The following LTBP1 variants were observed in gnomAD, a reference collection of about 807,000 sequenced individuals.
LTBP1 encodes the protein latent-transforming growth factor beta-binding protein 1.
Under a neutral mutation model 207.6 loss-of-function variants are expected in LTBP1, and 129 were observed. The observed-to-expected ratio is 0.62, with a 90% CI of 0.54 to 0.72. LTBP1 has a LOEUF of 0.72. Among genes scored for constraint, LTBP1 ranks in the 30% least tolerant of loss-of-function variants. The pLI, the probability that LTBP1 is intolerant of heterozygous loss-of-function variation, is 0.00. For synonymous variants in LTBP1, 963 were observed against 833.7 expected, an observed-to-expected ratio of 1.16 and a Z score of -2.67; for missense variants, 2,281 against 2,217.2, an observed-to-expected ratio of 1.03 and a Z score of -0.58.
At chr2:33,173,449 AAC>A (rs1271652716) in intron 5 of LTBP1, among the ~76,000 whole-genome samples, 1 of 152,314 alleles carries the variant, frequency 6.6e-6, no homozygotes, top group Non-Finnish European at 1.5e-5. Context: ...CCCAAGACTA[AAC>A]CAGGAAGAAG....
At chr2:33,128,103 A>C (rs765281201) in intron 4 of LTBP1, among the ~76,000 whole-genome samples, 11 of 152,208 alleles carry the variant, frequency 7.2e-5, no homozygotes, top group Admixed American at 3.3e-4. Flanking sequence ...TTAGCTTGTG[A>C]GTAAGCCATC....
At chr2:33,118,083 G>C (rs769390508) in intron 4 of LTBP1, among the ~76,000 whole-genome samples, 2 of 151,794 alleles carry the variant, frequency 1.3e-5, no homozygotes, top group Non-Finnish European at 2.9e-5. Context: ...TTACAGGGCA[G>C]AGCTTTGCAG....
chr2:33,171,957 T>A (rs561061087), intron 5 of LTBP1, among the ~76,000 whole-genome samples: 135 of 152,292 alleles, frequency 8.9e-4, no homozygotes, highest in African/African-American at 3.2e-3. Flanking sequence ...AAGCAAATGC[T>A]GAGAGATTTT....
intron 3 of LTBP1, among the ~76,000 whole-genome samples, chr2:33,057,796 G>T (rs755042552): frequency 6.6e-6 from 1 of 152,182 alleles, no homozygotes; most frequent in Admixed American, 6.5e-5. Context: ...CCCAGTTCCC[G>T]CCCATGCCTC....
intron 9 of LTBP1, among the ~76,000 whole-genome samples, chr2:33,237,221 A>G (rs2092093583): frequency 6.6e-6 from 1 of 152,202 alleles, no homozygotes; most frequent in African/African-American, 2.4e-5. Context: ...CCAAATGTGC[A>G]GAAAAACCAA....
intron 5 of LTBP1, among the ~76,000 whole-genome samples, chr2:33,172,172 G>T (rs1572967381): frequency 6.6e-6 from 1 of 152,308 alleles, no homozygotes; most frequent in East Asian, 1.9e-4. Context: ...AACTTTAAAT[G>T]TAAATGGACT....
intron 3 of LTBP1, among the ~76,000 whole-genome samples, chr2:33,045,040 A>C (rs1373506510): frequency 6.6e-6 from 1 of 151,746 alleles, no homozygotes; most frequent in Non-Finnish European, 1.5e-5. Context: ...TAGACTGCAA[A>C]ATTTTTCTCC....
At chr2:33,269,726 T>C (rs55852365) in intron 15 of LTBP1, among the ~76,000 whole-genome samples, 1 of 152,154 alleles carries the variant, frequency 6.6e-6, no homozygotes, top group Admixed American at 6.5e-5. Context: ...CATGCCGATG[T>C]GTGAGTGACC....
At chr2:33,100,229 CT>C (rs2150127336) in intron 3 of LTBP1, among the ~76,000 whole-genome samples, 1 of 152,258 alleles carries the variant, frequency 6.6e-6, no homozygotes, top group East Asian at 1.9e-4. Flanking sequence ...ATGGGAACAG[CT>C]AAGTGAAGAG....
At chr2:33,230,821 TACCA>T (rs2091742812) in intron 9 of LTBP1, among the ~76,000 whole-genome samples, 1 of 152,240 alleles carries the variant, frequency 6.6e-6, no homozygotes, top group Non-Finnish European at 1.5e-5. Flanking sequence ...TCTTTTGACA[TACCA>T]AAGTCACTTA....
intron 3 of LTBP1, among the ~76,000 whole-genome samples, chr2:33,067,083 G>GA (rs1224538344): frequency 6.6e-6 from 1 of 152,144 alleles, no homozygotes; most frequent in East Asian, 1.9e-4. Flanking sequence ...GAGGCAGGAG[G>GA]ATTCCTTGAG....
At position 33,361,429 on chromosome 2, in the gene LTBP1, C is replaced by A. The variant is rs747685374; in HGVS notation, c.4184C>A (p.Ala1395Asp). 1 of 1,553,034 alleles carries A rather than the reference C, an allele frequency of 6.4e-7. No homozygotes were observed. The highest frequency in any genetic ancestry group is 1.1e-5 in the South Asian group (1 of 87,012). ...TTTTTTTTGTCTCTTCTAAAATCAG[C>A]TGAGTTCACTGAAATGTGTCCCAAA... ...EIFPCPVLGT[A>D]EFTEMCPKGK... Residue 1395 changes from alanine (A) to aspartate (D), a missense_variant and splice_region_variant, in exon 28 of 34, where the codon GCT becomes GAT. By Grantham distance (126) the Ala-to-Asp change is moderately radical. This residue lies in a region of LTBP1 where 1,671 missense variants were observed against 1,634.8 expected (regional missense o/e 1.02). Transcript: ENST00000404816.
At chr2:33,098,170 C>T (rs550341200) in intron 3 of LTBP1, among the ~76,000 whole-genome samples, 12 of 152,258 alleles carry the variant, frequency 7.9e-5, no homozygotes, top group Middle Eastern at 6.8e-3. Flanking sequence ...AATGTAATCT[C>T]ATTATGATTG....
intron 3 of LTBP1, among the ~76,000 whole-genome samples, chr2:33,069,426 G>A (rs1264072017): frequency 6.6e-6 from 1 of 152,168 alleles, no homozygotes; most frequent in East Asian, 1.9e-4. Flanking sequence ...GATCCATTTT[G>A]ATCTAGAAGG....
intron 21 of LTBP1, among the ~76,000 whole-genome samples, chr2:33,301,119 C>T (rs1257123976): frequency 6.6e-6 from 1 of 152,098 alleles, no homozygotes; most frequent in East Asian, 1.9e-4. Context: ...CTAGGGTTGA[C>T]CTTAGACTTT....
chr2:33,138,884 A>G (rs1253344406), intron 5 of LTBP1, among the ~76,000 whole-genome samples: 4 of 98,500 alleles, frequency 4.1e-5, no homozygotes, highest in African/African-American at 1.6e-4. Flanking sequence ...TTTGAGACGG[A>G]GTCTCGCTCT....
At chr2:33,313,294 T>C (rs2094213647) in intron 23 of LTBP1, among the ~76,000 whole-genome samples, 1 of 152,218 alleles carries the variant, frequency 6.6e-6, no homozygotes, top group South Asian at 2.1e-4. Flanking sequence ...ATCTGAATTA[T>C]GTTGCAGATG....
intron 3 of LTBP1, 152 bp downstream of exon 3, chr2:33,021,358 G>A (rs2075158063): frequency 2.6e-6 from 2 of 754,820 alleles, no homozygotes; most frequent in African/African-American, 3.5e-5. Flanking sequence ...TACACGTTAG[G>A]CTTTACACAT....
At chr2:33,096,249 T>C (rs1260858082) in intron 3 of LTBP1, among the ~76,000 whole-genome samples, 1 of 152,124 alleles carries the variant, frequency 6.6e-6, no homozygotes, top group Non-Finnish European at 1.5e-5. Flanking sequence ...GAAAATAAAC[T>C]ATCTATACTC....
Sources: allele counts gnomAD v4.1 joint callset (sites outside exome capture counted in the v4.1 genomes callset), GRCh38; gene constraint gnomAD v4.1.1; regional missense constraint gnomAD v4.1.1; transcripts MANE v1.5; gene names NCBI Gene and HGNC (gene_info 2026-07-23, HGNC 2026-07-21).